CDK14: variants seen among roughly 807,000 people sequenced by gnomAD.
CDK14 encodes the protein cyclin dependent kinase 14.
CDK14 carries 34 observed loss-of-function variants against 60.7 expected under a neutral mutation model. The observed-to-expected ratio is 0.56, with a 90% CI of 0.43 to 0.75. The LOEUF (loss-of-function observed/expected upper bound fraction) is 0.75. CDK14 is among the 30% of genes least tolerant of loss of function. CDK14 has a pLI of 0.00. For missense variants in CDK14, 482 were observed against 564.1 expected, an observed-to-expected ratio of 0.85 and a Z score of 1.47; for synonymous variants, 197 against 203.7, an observed-to-expected ratio of 0.97 and a Z score of 0.28.
At chr7:91,100,129 G>T (rs1385490388) in intron 12 of CDK14, among the ~76,000 whole-genome samples, 1 of 152,002 alleles carries the variant, frequency 6.6e-6, no homozygotes, top group Non-Finnish European at 1.5e-5. Flanking sequence ...TGAGATACGA[G>T]TATAATGACT....
intron 2 of CDK14, among the ~76,000 whole-genome samples, chr7:90,642,044 A>G (rs897474211): frequency 2.0e-5 from 3 of 152,196 alleles, no homozygotes; most frequent in African/African-American, 7.2e-5. Flanking sequence ...GTTATCTCCC[A>G]CTGGCTCCCT....
At chr7:91,155,610 A>G (rs2115711707) in intron 14 of CDK14, among the ~76,000 whole-genome samples, 1 of 152,340 alleles carries the variant, frequency 6.6e-6, no homozygotes, top group South Asian at 2.1e-4. Flanking sequence ...TCTTTGACAC[A>G]GTTGCCTAAG....
At chr7:90,828,535 T>A (rs987119152) in intron 5 of CDK14, among the ~76,000 whole-genome samples, 2 of 152,182 alleles carry the variant, frequency 1.3e-5, no homozygotes, top group African/African-American at 4.8e-5. Flanking sequence ...TTTTCCCTAT[T>A]GGTTAGGTCA....
At chr7:91,092,971 A>G (rs542959671) in intron 12 of CDK14, among the ~76,000 whole-genome samples, 10 of 152,362 alleles carry the variant, frequency 6.6e-5, no homozygotes, top group African/African-American at 2.4e-4. Flanking sequence ...TATTGCATAC[A>G]TCACAGAGTA....
intron 4 of CDK14, among the ~76,000 whole-genome samples, chr7:90,770,337 ACTTAT>A (rs1804736294): frequency 6.6e-6 from 1 of 152,192 alleles, no homozygotes; most frequent in African/African-American, 2.4e-5. Context: ...TTTTTAGTAT[ACTTAT>A]CTTTTAAGTA....
intron 14 of CDK14, among the ~76,000 whole-genome samples, chr7:91,186,194 T>C (rs1253283775): frequency 2.0e-4 from 1 of 5,058 alleles, no homozygotes; most frequent in African/African-American, 7.4e-4. Context: ...TCTCCTCTCC[T>C]CCCCTCCCCT....
chr7:90,792,594 A>C (rs925222397), intron 5 of CDK14, among the ~76,000 whole-genome samples: 1 of 152,168 alleles, frequency 6.6e-6, no homozygotes, highest in African/African-American at 2.4e-5. Context: ...GCCATGAACA[A>C]GCCCTGTTGA....
intron 7 of CDK14, among the ~76,000 whole-genome samples, chr7:90,909,682 G>A (rs999719747): frequency 1.3e-5 from 2 of 152,092 alleles, no homozygotes; most frequent in African/African-American, 4.8e-5. Context: ...GAAAGAGAGT[G>A]TGGAATGGAA....
chr7:91,147,311 G>A (rs145653480), intron 14 of CDK14, among the ~76,000 whole-genome samples: 8 of 151,094 alleles, frequency 5.3e-5, no homozygotes, highest in East Asian at 1.9e-4. Context: ...CTCTTACTCC[G>A]AGATAATTTT....
chr7:90,686,210 G>A (rs142114216), intron 2 of CDK14, among the ~76,000 whole-genome samples: 289 of 152,150 alleles, frequency 1.9e-3, no homozygotes, highest in African/African-American at 6.3e-3. Context: ...TTTTCTAGAC[G>A]TTAGTCTACT....
intron 10 of CDK14, among the ~76,000 whole-genome samples, chr7:91,042,252 A>T (rs1797112761): frequency 6.6e-6 from 1 of 152,134 alleles, no homozygotes; most frequent in Non-Finnish European, 1.5e-5. Context: ...GCCTCTCCTT[A>T]TAACCGTATA....
intron 10 of CDK14, among the ~76,000 whole-genome samples, chr7:91,009,331 G>A (rs1562866594): frequency 2.6e-5 from 4 of 152,096 alleles, no homozygotes; most frequent in Admixed American, 2.6e-4. Context: ...TAAAACTGCT[G>A]TGAACATTCA....
chr7:90,776,591 T>A (rs1049675036), intron 4 of CDK14, among the ~76,000 whole-genome samples: 1 of 152,136 alleles, frequency 6.6e-6, no homozygotes, highest in African/African-American at 2.4e-5. Context: ...ACAGAAGAAG[T>A]GCAAGCACTC....
intron 11 of CDK14, among the ~76,000 whole-genome samples, chr7:91,066,405 G>C: frequency 6.6e-6 from 1 of 152,112 alleles, no homozygotes; most frequent in East Asian, 1.9e-4. Context: ...TACAAATCTA[G>C]TTTCAGCCTT....
intron 5 of CDK14, among the ~76,000 whole-genome samples, chr7:90,827,582 T>A (rs879591687): frequency 6.6e-6 from 1 of 152,204 alleles, no homozygotes; most frequent in Admixed American, 6.5e-5. Flanking sequence ...ACGGAGGGTT[T>A]AAAAGTATGG....
At chr7:90,955,959 T>A in intron 9 of CDK14, 142 bp downstream of exon 9, 3 of 969,838 alleles carry the variant, frequency 3.1e-6, no homozygotes, top group Non-Finnish European at 4.6e-6. Flanking sequence ...CTGGATGTTT[T>A]AAAACATGAT....
chr7:91,071,381 C>A (rs697396), intron 11 of CDK14, among the ~76,000 whole-genome samples: 13 of 152,010 alleles, frequency 8.6e-5, no homozygotes, highest in African/African-American at 3.1e-4. Context: ...CATGATCCAC[C>A]GAGAGGAAGG....
chr7:90,976,360 T>C (rs530418105), intron 9 of CDK14, among the ~76,000 whole-genome samples: 1 of 152,166 alleles, frequency 6.6e-6, no homozygotes, highest in Non-Finnish European at 1.5e-5. Context: ...CCCCCCGCTT[T>C]TTTTTCTTTT....
In CDK14 at chr7:91,060,294, C is replaced by T. The variant is rs149676810; in HGVS notation, c.1105+14334C>T. Among the ~76,000 whole-genome samples the T allele has an allele frequency of 4.8e-3, 726 of 150,070 alleles. 6 individuals carry two copies. Among genetic ancestry groups the T allele is most frequent in the African/African-American group, 0.017 (679 of 40,622 alleles). ...CCCTTTATTTTGAGCCTATGTGTGT[C>T]TCTGCCCGTGAGATGGGTTTCCTGA... On this transcript the variant is annotated intron_variant, in intron 11 of 14. Coordinates refer to ENST00000380050, the MANE Select transcript of CDK14 (RefSeq NM_001287135.2).
Sources: allele counts gnomAD v4.1 joint callset (sites outside exome capture counted in the v4.1 genomes callset), GRCh38; gene constraint gnomAD v4.1.1; transcripts MANE v1.5; gene names NCBI Gene and HGNC (gene_info 2026-07-23, HGNC 2026-07-21).